Variants in MTMR7 observed in about 807,000 individuals in gnomAD.
MTMR7 encodes myotubularin related protein 7, also known as phosphatidylinositol-3-phosphate phosphatase MTMR7.
Under a neutral mutation model 81.2 loss-of-function variants are expected in MTMR7, and 76 were observed. The ratio of observed to expected loss-of-function variants is 0.94; its 90% CI spans 0.78 to 1.13. The LOEUF (loss-of-function observed/expected upper bound fraction) is 1.13. MTMR7 is among the 50% of genes most tolerant of loss of function. The pLI is 0.00. For missense variants in MTMR7, 1,044 were observed against 820.0 expected, an observed-to-expected ratio of 1.27 and a Z score of -3.34; for synonymous variants, 372 against 289.8, an observed-to-expected ratio of 1.28 and a Z score of -2.88.
At position 17,297,453 on chromosome 8, in the gene MTMR7, T is replaced by G. The variant is rs1563303561; in HGVS notation, c.*2409A>C. On this transcript the variant is annotated 3_prime_UTR_variant, in exon 14 of 14. Coordinates refer to ENST00000180173, the MANE Select transcript of MTMR7 (RefSeq NM_004686.5). Reference sequence around the variant, plus strand: ...AGAAGAAAGTAAACTAATGTGCTCTTAAAGAATAAAAATTTATTCTATGGT... The same window carrying G: ...AGAAGAAAGTAAACTAATGTGCTCTGAAAGAATAAAAATTTATTCTATGGT... 1 of 148,842 alleles carries G rather than the reference T, an allele frequency of 6.7e-6. No individual in the cohort carries two copies. 9.2% of individuals were successfully genotyped at this position (148,842 alleles called of 1,614,324 possible). A position where few individuals can be genotyped will look rare whatever the true frequency, so the allele number is the denominator to read the frequency against.
intron 4 of MTMR7, among the ~76,000 whole-genome samples, chr8:17,350,422 T>G (rs1819693683): frequency 6.6e-6 from 1 of 152,190 alleles, no homozygotes; most frequent in East Asian, 1.9e-4. Flanking sequence ...AGACAGCGTG[T>G]GTAGGGGAAC....
At chr8:17,348,393 A>C (rs73557541) in intron 5 of MTMR7, among the ~76,000 whole-genome samples, 4,775 of 151,186 alleles carry the variant, frequency 0.032, 243 homozygotes, top group African/African-American at 0.11. Context: ...CAAAAAAAAA[A>C]CCCAAAATTA....
intron 4 of MTMR7, among the ~76,000 whole-genome samples, chr8:17,349,916 G>A (rs891038484): frequency 6.6e-6 from 1 of 152,234 alleles, no homozygotes; most frequent in East Asian, 1.9e-4. Context: ...CAAACTACAC[G>A]GTGCACTGTG....
intron 6 of MTMR7, among the ~76,000 whole-genome samples, chr8:17,332,127 T>C (rs1461764077): frequency 4.6e-5 from 7 of 152,126 alleles, no homozygotes; most frequent in Non-Finnish European, 7.4e-5. Flanking sequence ...CATCACATCC[T>C]AGAAAACAGC....
chr8:17,374,362 C>T (rs1243167259), intron 1 of MTMR7, among the ~76,000 whole-genome samples: 1 of 151,884 alleles, frequency 6.6e-6, no homozygotes, highest in East Asian at 1.9e-4. Context: ...GTGGCTCACG[C>T]CTGTAATCCC....
At chr8:17,302,335 C>A in intron 12 of MTMR7, 55 bp from the exon 13 acceptor site, 1 of 1,559,324 alleles carries the variant, frequency 6.4e-7, no homozygotes, top group Non-Finnish European at 8.7e-7. Context: ...TGAAAATTCA[C>A]ATCCTCAAGT....
At position 17,309,332 on chromosome 8, in the gene MTMR7, C is replaced by G; in HGVS notation, c.1102-6G>C. ...CAGTCCTTTTCAATTAATACCTACA[C>G]AAGAAAGAATACAAATATCTTGGAG... On this transcript the variant is annotated splice_region_variant and splice_polypyrimidine_tract_variant and intron_variant, in intron 9 of 13. Coordinates refer to ENST00000180173, the MANE Select transcript of MTMR7 (RefSeq NM_004686.5). The G allele has an allele frequency of 1.9e-6, 3 of 1,546,252 alleles. No homozygotes were observed. In the South Asian group the frequency reaches 3.4e-5, roughly 17 times the overall value.
chr8:17,383,020 G>A (rs935584703), intron 1 of MTMR7, among the ~76,000 whole-genome samples: 9 of 147,612 alleles, frequency 6.1e-5, no homozygotes, highest in East Asian at 3.9e-4. Flanking sequence ...GTGTTCCTCC[G>A]AGATATGGGG....
chr8:17,394,985 A>G (rs931892676), intron 1 of MTMR7, among the ~76,000 whole-genome samples: 1 of 152,202 alleles, frequency 6.6e-6, no homozygotes, highest in African/African-American at 2.4e-5. Context: ...CGTTAAGTAC[A>G]TTCACTGTTG....
chr8:17,317,807 T>C (rs1373948212), intron 7 of MTMR7, among the ~76,000 whole-genome samples: 1 of 152,200 alleles, frequency 6.6e-6, no homozygotes, highest in Non-Finnish European at 1.5e-5. Flanking sequence ...AGCTTTTTTT[T>C]CTAGTCTGTG....
In MTMR7 at chr8:17,305,759, G is replaced by T; in HGVS notation, c.1350C>A (p.Leu450=). The change falls in exon 11 of 14, where the codon CTC becomes CTA. Residue 450 remains leucine (L), a splice_region_variant and synonymous_variant. Transcript: ENST00000180173. ...LCNSQKERRE[L]KIQERTYSLW... ...ACCAAAAACACCAAAACACTTACTT[G>T]AGTTCTCGTCTCTCCTTTTGGCTGT... is the stretch of plus-strand genomic sequence containing the variant. 1 of 1,606,136 alleles carries T rather than the reference G, an allele frequency of 6.2e-7. No homozygotes were observed. The highest frequency in any genetic ancestry group is 1.1e-5 in the South Asian group (1 of 90,590).
rs180845464 is a variant in MTMR7 at position 17,357,116 on chromosome 8, T to C, written c.468+4001A>G. 4.1e-3 allele frequency among the ~76,000 whole-genome samples: 632 copies of C among 152,324 alleles called. 3 individuals are homozygous for C. Among genetic ancestry groups the C allele is most frequent in the African/African-American group, 0.015 (608 of 41,574 alleles). On this transcript the variant is annotated intron_variant, in intron 4 of 13. Transcript: ENST00000180173. ...ATGAGTAATTTTTAAAACTATGTTA[T>C]ATTTGTGAAATGGAATACAACACAG... is the stretch of plus-strand genomic sequence containing the variant.
chr8:17,382,929 C>T (rs6587039), intron 1 of MTMR7, among the ~76,000 whole-genome samples: 92,650 of 151,920 alleles, frequency 0.61, 28,586 homozygotes, highest in Admixed American at 0.7. Context: ...TAGGAGAATG[C>T]AGTGAGGGTG....
At chr8:17,397,601 G>C (rs957164028) in intron 1 of MTMR7, among the ~76,000 whole-genome samples, 1 of 152,040 alleles carries the variant, frequency 6.6e-6, no homozygotes, top group Non-Finnish European at 1.5e-5. Flanking sequence ...TCCAATCCTT[G>C]GCTCCCAGAC....
intron 1 of MTMR7, among the ~76,000 whole-genome samples, chr8:17,406,160 T>C (rs866845211): frequency 6.6e-6 from 1 of 152,084 alleles, no homozygotes; most frequent in Non-Finnish European, 1.5e-5. Context: ...TTGGACTTCA[T>C]CAAAATTCAA....
chr8:17,342,609 G>GT (rs1819437402), intron 5 of MTMR7, among the ~76,000 whole-genome samples: 1 of 152,166 alleles, frequency 6.6e-6, no homozygotes, highest in African/African-American at 2.4e-5. Flanking sequence ...GTTGGAGAAG[G>GT]TGGGGACATT....
At chr8:17,326,456 C>T (rs1586192240) in intron 7 of MTMR7, 1 of 152,292 alleles carries the variant, frequency 6.6e-6, no homozygotes, top group Non-Finnish European at 1.5e-5. Flanking sequence ...TATAATGATC[C>T]TTGTGGTCAC....
intron 1 of MTMR7, among the ~76,000 whole-genome samples, chr8:17,412,337 C>T (rs758962059): frequency 6.6e-6 from 1 of 152,166 alleles, no homozygotes; most frequent in Non-Finnish European, 1.5e-5. Context: ...CTAGCTTTGA[C>T]CTGTCAGGGG....
chr8:17,329,650 ATAACT>A (rs1178552409), intron 7 of MTMR7, among the ~76,000 whole-genome samples: 1 of 152,250 alleles, frequency 6.6e-6, no homozygotes, highest in African/African-American at 2.4e-5. Context: ...AAAAATTTAA[ATAACT>A]TAAGGGTCCT....
Sources: gnomAD v4.1 joint callset for allele counts (sites outside exome capture counted in the v4.1 genomes callset) on GRCh38, gnomAD v4.1.1 for gene constraint, MANE v1.5 for transcripts, NCBI Gene and HGNC (gene_info 2026-07-23, HGNC 2026-07-21) for gene names.